PCDHA6: variants seen among roughly 807,000 people sequenced by gnomAD.
PCDHA6 encodes protocadherin alpha 6.
Under a neutral mutation model 60.3 loss-of-function variants are expected in PCDHA6, and 55 were observed. That is an observed-to-expected ratio of 0.91 (90% confidence interval 0.73 to 1.14). The LOEUF (loss-of-function observed/expected upper bound fraction) is 1.14. Ranked by LOEUF, PCDHA6 falls within the 50% of genes most tolerant of loss-of-function variation. The pLI is 0.00. For missense variants in PCDHA6, 1,327 were observed against 1,256.5 expected (o/e 1.06, Z -0.85); for synonymous variants, 652 against 557.9 (o/e 1.17, Z -2.38).
chr5:140,883,995 C>A (rs1371206040), intron 1 of PCDHA6: 2 of 1,612,878 alleles, frequency 1.2e-6, no homozygotes, highest in Non-Finnish European at 8.5e-7. Flanking sequence ...GCGGGAGGCA[C>A]AGTGAGCGAG....
chr5:140,994,017 T>C (rs2153920554), intron 3 of PCDHA6, among the ~76,000 whole-genome samples: 1 of 152,336 alleles, frequency 6.6e-6, no homozygotes, highest in South Asian at 2.1e-4. Flanking sequence ...TTCTAGGTGA[T>C]GCAGATATAA....
chr5:140,852,915 G>T (rs112871977), intron 1 of PCDHA6: 1 of 783,362 alleles, frequency 1.3e-6, no homozygotes, highest in Non-Finnish European at 1.6e-6. Context: ...GTCTCGCTCT[G>T]TTGCCCAGGC....
In PCDHA6 at chr5:140,927,203, C is replaced by T. The variant is rs782141467; in HGVS notation, c.2395-51746C>T. ...ACCTACGACCTGGTGCTCGAGGACC[C>T]GCTGGAGCTGCACAAGATTCGGATT... On this transcript the variant is annotated intron_variant, in intron 1 of 3. Transcript: ENST00000529310. 65 of 1,614,104 alleles carry T rather than the reference C, an allele frequency of 4.0e-5. No homozygotes were observed. Among genetic ancestry groups the T allele is most frequent in the Non-Finnish European group, 5.1e-5 (60 of 1,180,040 alleles).
intron 1 of PCDHA6, among the ~76,000 whole-genome samples, chr5:140,936,248 G>A (rs2090860399): frequency 6.6e-6 from 1 of 152,086 alleles, no homozygotes; most frequent in Admixed American, 6.5e-5. Context: ...AACATATCCT[G>A]CTTCAAGTCA....
At chr5:140,872,840 A>G (rs1297929350) in intron 1 of PCDHA6, among the ~76,000 whole-genome samples, 4 of 152,198 alleles carry the variant, frequency 2.6e-5, no homozygotes, top group African/African-American at 9.6e-5. Context: ...AAAAAATTAA[A>G]TATATTAATG....
At chr5:140,987,990 C>T (rs57614084) in intron 3 of PCDHA6, among the ~76,000 whole-genome samples, 1 of 152,190 alleles carries the variant, frequency 6.6e-6, no homozygotes, top group African/African-American at 2.4e-5. Context: ...GACTCCATCT[C>T]TGATCCTTCC....
intron 1 of PCDHA6, among the ~76,000 whole-genome samples, chr5:140,933,883 T>C (rs376864592): frequency 1.3e-5 from 2 of 152,084 alleles, no homozygotes; most frequent in East Asian, 1.9e-4. Context: ...GTTTTATCTG[T>C]ACTTTTGAAT....
At position 140,894,665 on chromosome 5, in the gene PCDHA6, G is replaced by T. The variant is rs189476056; in HGVS notation, c.2394+64180G>T. Among the ~76,000 whole-genome samples, 418 of 151,474 alleles carry T rather than the reference G, an allele frequency of 2.8e-3. 2 individuals are homozygous for T. Among genetic ancestry groups the T allele is most frequent in the Middle Eastern group, 0.011 (3 of 280 alleles). On this transcript the variant is annotated intron_variant, in intron 1 of 3. Transcript: ENST00000529310. ...CTGAGTCTCTCTAATTCTGATTTGT[G>T]TATTCTTGCATAGCTTTTCATTATT...
intron 1 of PCDHA6, chr5:140,882,816 A>G (rs2059323174): frequency 1.9e-6 from 3 of 1,614,266 alleles, no homozygotes; most frequent in Non-Finnish European, 1.7e-6. Flanking sequence ...TTGGACGCAC[A>G]AAACAGTCTT....
rs2043502208 is a variant in PCDHA6 at position 140,855,508 on chromosome 5, C to T, written c.2394+25023C>T. ...AGTGTCTAAATAAACCTTATTAAATCTCAAAATAATGAGAAAGAGAAGTAA... is the reference window on the plus strand; with the variant it reads ...AGTGTCTAAATAAACCTTATTAAATTTCAAAATAATGAGAAAGAGAAGTAA... On this transcript the variant is annotated intron_variant, in intron 1 of 3. Transcript: ENST00000529310. 1.3e-5 allele frequency among the ~76,000 whole-genome samples: 2 copies of T among 149,732 alleles called. 1 individual carries two copies. The highest frequency in any genetic ancestry group is 3.0e-5 in the Non-Finnish European group (2 of 67,030).
intron 1 of PCDHA6, chr5:140,852,294 C>T (rs1467732169): frequency 2.1e-6 from 1 of 469,886 alleles, no homozygotes; most frequent in Non-Finnish European, 2.9e-6. Flanking sequence ...TTTTATTTTT[C>T]TGAGACGGAG....
chr5:140,882,323 C>G, intron 1 of PCDHA6: 1 of 1,614,216 alleles, frequency 6.2e-7, no homozygotes, highest in African/African-American at 1.3e-5. Context: ...GCTCTGGCTT[C>G]TGATCCTCGC....
chr5:140,842,127 C>T (rs2150329918), intron 1 of PCDHA6: 1 of 1,613,572 alleles, frequency 6.2e-7, no homozygotes, highest in Non-Finnish European at 8.5e-7. Flanking sequence ...GCTTCTGATC[C>T]GGATGAAGGA....
intron 1 of PCDHA6, among the ~76,000 whole-genome samples, chr5:140,950,426 AC>A (rs386419652): frequency 1.3e-5 from 2 of 151,870 alleles, no homozygotes; most frequent in Admixed American, 6.6e-5. Flanking sequence ...ATTTTCTTCC[AC>A]TTAAAAAAAA....
chr5:140,942,840 T>C (rs75984395), intron 1 of PCDHA6, among the ~76,000 whole-genome samples: 6,117 of 152,206 alleles, frequency 0.04, 136 homozygotes, highest in Non-Finnish European at 0.052. Context: ...CAATAAAAAT[T>C]CCAGTAAGAT....
intron 1 of PCDHA6, chr5:140,927,930 G>A (rs782236455): frequency 1.9e-5 from 30 of 1,614,062 alleles, no homozygotes; most frequent in Admixed American, 5.0e-5. Flanking sequence ...TGACTCTTTC[G>A]AACCCAGTAC....
At chr5:140,862,555 G>A (rs926436647) in intron 1 of PCDHA6, 1 of 467,658 alleles carries the variant, frequency 2.1e-6, no homozygotes, top group South Asian at 1.7e-5. Flanking sequence ...TGGCCGAACA[G>A]TGAACCACAA....
At chr5:140,986,246 C>G (rs561365390) in intron 3 of PCDHA6, among the ~76,000 whole-genome samples, 1 of 152,296 alleles carries the variant, frequency 6.6e-6, no homozygotes, top group South Asian at 2.1e-4. Flanking sequence ...TGAGCAGACC[C>G]GGACCACAGG....
intron 1 of PCDHA6, chr5:140,851,871 G>A (rs2042184673): frequency 2.0e-6 from 2 of 977,226 alleles, no homozygotes; most frequent in South Asian, 9.5e-5. Context: ...CATAACACAA[G>A]GCAGAAATCT....
Sources: gnomAD v4.1 joint callset for allele counts (sites outside exome capture counted in the v4.1 genomes callset) on GRCh38, gnomAD v4.1.1 for gene constraint, MANE v1.5 for transcripts, NCBI Gene and HGNC (gene_info 2026-07-23, HGNC 2026-07-21) for gene names.